Variants in CABLES1 observed in about 807,000 individuals in gnomAD.
CABLES1 encodes the protein CDK5 and ABL1 enzyme substrate 1.
A neutral mutation model predicts 57.8 loss-of-function variants in CABLES1; 36 were observed. The observed-to-expected ratio is 0.62, with a 90% confidence interval of 0.48 to 0.82. CABLES1 has a LOEUF of 0.82. CABLES1 is among the 40% of genes least tolerant of loss of function. CABLES1 has a pLI of 0.00. For missense variants in CABLES1, 767 were observed against 836.6 expected (o/e 0.92, Z 1.03); for synonymous variants, 374 against 363.0 (o/e 1.03, Z -0.35).
chr18:23,200,513 T>C (rs764150608), intron 3 of CABLES1, among the ~76,000 whole-genome samples: 35 of 152,258 alleles, frequency 2.3e-4, no homozygotes, highest in Non-Finnish European at 4.9e-4. Context: ...CCGCCCGCCT[T>C]GGCCTCCCAA....
chr18:23,143,563 C>G (rs1258159836), intron 1 of CABLES1, among the ~76,000 whole-genome samples: 1 of 152,216 alleles, frequency 6.6e-6, no homozygotes, highest in Non-Finnish European at 1.5e-5. Context: ...AAAACCACAC[C>G]CACTCGTGCA....
rs184242310 is a variant in CABLES1, at chr18:23,258,369, T to C, written c.*1002T>C. The stretch of plus-strand genomic sequence containing the variant: ...AAACCCAGAATAGGAGCACGACGCA[T>C]GATTGGTGTTTGAGGCGTTTGCCAG... On this transcript the variant is annotated 3_prime_UTR_variant, in exon 10 of 10. Coordinates refer to ENST00000256925, the MANE Select transcript of CABLES1 (RefSeq NM_001100619.3). 3.3e-5 allele frequency: 5 copies of C among 152,412 alleles called. No individual in the cohort carries two copies. The highest frequency in any genetic ancestry group is 7.3e-5 in the Non-Finnish European group (5 of 68,040). The allele number at this position is 152,412 out of a possible 1,614,324, so 9.4% of individuals were successfully genotyped here. A position where few individuals can be genotyped will look rare whatever the true frequency, so the allele number is the denominator to read the frequency against.
chr18:23,160,935 G>A (rs1378910049), intron 1 of CABLES1, among the ~76,000 whole-genome samples: 1 of 152,124 alleles, frequency 6.6e-6, no homozygotes, highest in Non-Finnish European at 1.5e-5. Flanking sequence ...CGAGAGGCTA[G>A]GGTACAAGAA....
At chr18:23,224,398 A>G (rs1257989848) in intron 4 of CABLES1, among the ~76,000 whole-genome samples, 1 of 152,094 alleles carries the variant, frequency 6.6e-6, no homozygotes, top group Non-Finnish European at 1.5e-5. Flanking sequence ...CAGTCCTGGG[A>G]AATGAACTAG....
At position 23,260,277 on chromosome 18, in the gene CABLES1, C is replaced by G. The variant is rs543592242; in HGVS notation, c.*2910C>G. 1 of 152,290 alleles carries G rather than the reference C, an allele frequency of 6.6e-6. No homozygotes were observed. Among genetic ancestry groups the G allele is most frequent in the Admixed American group, 6.5e-5 (1 of 15,296 alleles). The allele number at this position is 152,290 out of a possible 1,614,324, so 9.4% of individuals were successfully genotyped here. ...TGTTTTCCTTGGCATTTTGTTGTTC[C>G]GATCACAGATTTCCCTGCCAGGGTG... is the stretch of plus-strand genomic sequence containing the variant. On this transcript the variant is annotated 3_prime_UTR_variant, in exon 10 of 10. Coordinates refer to ENST00000256925, the MANE Select transcript of CABLES1 (RefSeq NM_001100619.3).
chr18:23,222,103 C>A (rs2145064748), intron 4 of CABLES1, among the ~76,000 whole-genome samples: 2 of 152,292 alleles, frequency 1.3e-5, no homozygotes, highest in Admixed American at 1.3e-4. Flanking sequence ...TTGTGGTCCC[C>A]CAGACTTAAC....
intron 4 of CABLES1, chr18:23,219,395 G>A (rs535896252): frequency 3.5e-4 from 156 of 449,674 alleles, no homozygotes; most frequent in East Asian, 2.5e-3. Flanking sequence ...AGTGCCCAGC[G>A]AAGGCGATTC....
intron 2 of CABLES1, among the ~76,000 whole-genome samples, chr18:23,194,148 G>A (rs938600993): frequency 6.6e-6 from 1 of 152,052 alleles, no homozygotes; most frequent in Non-Finnish European, 1.5e-5. Flanking sequence ...AAAGAATAAT[G>A]TCTTTGGAAT....
chr18:23,249,922 T>A (rs1328777306), intron 7 of CABLES1, among the ~76,000 whole-genome samples: 2 of 152,212 alleles, frequency 1.3e-5, no homozygotes, highest in East Asian at 3.9e-4. Context: ...GAGACCAGGA[T>A]CCCAGCGCTG....
chr18:23,148,542 C>G (rs755876348), intron 1 of CABLES1, among the ~76,000 whole-genome samples: 11 of 152,232 alleles, frequency 7.2e-5, no homozygotes, highest in Admixed American at 6.5e-5. Flanking sequence ...GCACACACAT[C>G]TGCATGCCAG....
At chr18:23,221,592 C>T (rs982360119) in intron 4 of CABLES1, among the ~76,000 whole-genome samples, 2 of 152,172 alleles carry the variant, frequency 1.3e-5, no homozygotes, top group African/African-American at 4.8e-5. Flanking sequence ...GACCCACTTA[C>T]AGCCATACCC....
intron 3 of CABLES1, among the ~76,000 whole-genome samples, chr18:23,207,132 A>T (rs1450782940): frequency 6.6e-6 from 1 of 152,202 alleles, no homozygotes; most frequent in Non-Finnish European, 1.5e-5. Flanking sequence ...TTAATAAACA[A>T]GTACAAATAT....
At chr18:23,218,277 C>T (rs928192002) in intron 4 of CABLES1, among the ~76,000 whole-genome samples, 145 of 149,462 alleles carry the variant, frequency 9.7e-4, no homozygotes, top group African/African-American at 3.4e-3. Flanking sequence ...CTTGCCCTGC[C>T]TCCCGCATCC....
rs2047954294 is a variant in CABLES1 at position 23,248,504 on chromosome 18, C to T, written c.1447-4456C>T. Among the ~76,000 whole-genome samples, 3 of 123,474 alleles carry T rather than the reference C, an allele frequency of 2.4e-5. No homozygotes were observed. In the South Asian group the frequency reaches 7.6e-4, roughly 31 times the overall value. The allele number at this position is 123,474 out of a possible 152,430, so 81.0% of individuals were successfully genotyped here. On this transcript the variant is annotated intron_variant, in intron 7 of 9. Transcript: ENST00000256925. ...CGTCCCACCTGGCAATGTAGCAAGA[C>T]CCTATGTCTTTTTTTTTTTTTTTTT...
chr18:23,213,869 A>ATG, intron 3 of CABLES1, 108 bp from the exon 4 acceptor site: 2 of 702,724 alleles, frequency 2.8e-6, no homozygotes, highest in Admixed American at 5.2e-5. Context: ...GGGAGCGTGC[A>ATG]AATACTGCTA....
At chr18:23,170,949 A>G (rs2047077921) in intron 1 of CABLES1, among the ~76,000 whole-genome samples, 1 of 152,190 alleles carries the variant, frequency 6.6e-6, no homozygotes, top group East Asian at 1.9e-4. Context: ...GGCGTCCGCC[A>G]CCACACTTGG....
chr18:23,166,567 C>T (rs1170241239), intron 1 of CABLES1, among the ~76,000 whole-genome samples: 1 of 152,140 alleles, frequency 6.6e-6, no homozygotes. Flanking sequence ...TTGCATGAAA[C>T]ATTTAGGAAA....
chr18:23,175,750 C>T (rs1354013433), intron 1 of CABLES1, among the ~76,000 whole-genome samples: 1 of 152,218 alleles, frequency 6.6e-6, no homozygotes, highest in Non-Finnish European at 1.5e-5. Context: ...TACTGGTCCC[C>T]TGGAGCTTTT....
chr18:23,228,407 G>A, intron 4 of CABLES1, among the ~76,000 whole-genome samples: 1 of 152,162 alleles, frequency 6.6e-6, no homozygotes, highest in East Asian at 1.9e-4. Flanking sequence ...TTGATCAGGT[G>A]ACTCCACAGC....
Sources: allele counts gnomAD v4.1 joint callset (sites outside exome capture counted in the v4.1 genomes callset), GRCh38; gene constraint gnomAD v4.1.1; transcripts MANE v1.5; gene names NCBI Gene and HGNC (gene_info 2026-07-23, HGNC 2026-07-21).